SORCS3: variants seen among roughly 807,000 people sequenced by gnomAD.
SORCS3 encodes the protein sortilin related VPS10 domain containing receptor 3.
A neutral mutation model predicts 146.3 loss-of-function variants in SORCS3; 57 were observed. The observed-to-expected ratio is 0.39, with a 90% CI of 0.31 to 0.49. SORCS3 has a LOEUF of 0.49. Among genes scored for constraint, SORCS3 ranks in the 20% least tolerant of loss-of-function variants. The pLI, the probability that SORCS3 is intolerant of heterozygous loss-of-function variation, is 0.92. For synonymous variants in SORCS3, 653 were observed against 618.5 expected, an observed-to-expected ratio of 1.06 and a Z score of -0.83; for missense variants, 1,341 against 1,575.5, an observed-to-expected ratio of 0.85 and a Z score of 2.52.
At chr10:104,824,746 C>A (rs576815450) in intron 1 of SORCS3, among the ~76,000 whole-genome samples, 4 of 152,200 alleles carry the variant, frequency 2.6e-5, no homozygotes, top group African/African-American at 9.6e-5. Context: ...TGGCTGCTTC[C>A]AGTCTGGAGA....
At chr10:104,890,411 G>A (rs188571853) in intron 2 of SORCS3, among the ~76,000 whole-genome samples, 39 of 151,588 alleles carry the variant, frequency 2.6e-4, no homozygotes, top group African/African-American at 8.0e-4. Context: ...TCTATGTTTC[G>A]TTCACTTTCT....
Position 105,045,777 on chromosome 10 carries a change from G to A in SORCS3, c.1028+2649G>A, listed in dbSNP as rs187212826. The stretch of plus-strand genomic sequence containing the variant: ...GTCAATTTCATAAGGTTATTGAAAG[G>A]AGCAGATGTATCAAGTGGACACTTG... On this transcript the variant is annotated intron_variant, in intron 5 of 26. Transcript: ENST00000369701. 2.3e-3 allele frequency among the ~76,000 whole-genome samples: 355 copies of A among 152,224 alleles called. 1 individual carries two copies. Among genetic ancestry groups the A allele is most frequent in the Non-Finnish European group, 2.8e-3 (187 of 67,998 alleles).
At chr10:105,019,688 G>A (rs2055187902) in intron 4 of SORCS3, among the ~76,000 whole-genome samples, 1 of 152,012 alleles carries the variant, frequency 6.6e-6, no homozygotes, top group South Asian at 2.1e-4. Flanking sequence ...ATTTTGATAG[G>A]CAATTATTCT....
At chr10:104,884,646 G>A (rs2018663660) in intron 2 of SORCS3, among the ~76,000 whole-genome samples, 1 of 152,182 alleles carries the variant, frequency 6.6e-6, no homozygotes, top group South Asian at 2.1e-4. Context: ...AGGTTCCATT[G>A]GGTATAGGAA....
At chr10:104,897,018 A>G (rs1229001944) in intron 2 of SORCS3, among the ~76,000 whole-genome samples, 1 of 152,194 alleles carries the variant, frequency 6.6e-6, no homozygotes. Flanking sequence ...GTGCTGGACT[A>G]TAGCATGCTG....
At chr10:105,173,965 C>T (rs1248901357) in intron 13 of SORCS3, among the ~76,000 whole-genome samples, 1 of 152,142 alleles carries the variant, frequency 6.6e-6, no homozygotes, top group African/African-American at 2.4e-5. Flanking sequence ...ATCAAATCAC[C>T]TTATTTTAGT....
At chr10:105,252,560 T>C (rs2056906940) in intron 22 of SORCS3, among the ~76,000 whole-genome samples, 1 of 152,164 alleles carries the variant, frequency 6.6e-6, no homozygotes, top group Non-Finnish European at 1.5e-5. Context: ...AAAATGTATA[T>C]AAGAGCAGGG....
rs573375169 is a variant in SORCS3, at chr10:105,168,123, G to GTCAGAGTAGAATTGAAACAGAGGTGGT, written c.1901+800_1901+801insTTCAGAGTAGAATTGAAACAGAGGTGG. Among the ~76,000 whole-genome samples, 184 of 152,218 alleles carry GTCAGAGTAGAATTGAAACAGAGGTGGT rather than the reference G, an allele frequency of 1.2e-3. 1 individual carries two copies. Among genetic ancestry groups the GTCAGAGTAGAATTGAAACAGAGGTGGT allele is most frequent in the Admixed American group, 8.5e-3 (130 of 15,266 alleles). On this transcript the variant is annotated intron_variant, in intron 13 of 26. Coordinates refer to ENST00000369701, the MANE Select transcript of SORCS3 (RefSeq NM_014978.3). Reference sequence around the variant, plus strand: ...ATAAAGGAGGTTTTTCATGATTTTTGTCAGAGTAGAATTGAAACAGAGGTG... The same window carrying GTCAGAGTAGAATTGAAACAGAGGTGGT: ...ATAAAGGAGGTTTTTCATGATTTTTGTCAGAGTAGAATTGAAACAGAGGTGGTTCAGAGTAGAATTGAAACAGAGGTG...
intron 1 of SORCS3, among the ~76,000 whole-genome samples, chr10:104,704,096 T>C (rs1289625415): frequency 6.6e-6 from 1 of 151,892 alleles, no homozygotes; most frequent in East Asian, 1.9e-4. Flanking sequence ...TATTTAAAAC[T>C]CTGAGGCCTT....
At chr10:105,178,380 T>C (rs909246831) in intron 14 of SORCS3, among the ~76,000 whole-genome samples, 1 of 152,178 alleles carries the variant, frequency 6.6e-6, no homozygotes, top group Admixed American at 6.5e-5. Flanking sequence ...AGGGTCCTAA[T>C]TGAACAGTCA....
At chr10:104,855,562 C>T (rs2018321419) in intron 2 of SORCS3, among the ~76,000 whole-genome samples, 1 of 152,130 alleles carries the variant, frequency 6.6e-6, no homozygotes, top group African/African-American at 2.4e-5. Flanking sequence ...TTAAGTATTT[C>T]ACTTTCTTTG....
At chr10:105,038,169 G>T (rs887935024) in intron 4 of SORCS3, among the ~76,000 whole-genome samples, 3 of 152,210 alleles carry the variant, frequency 2.0e-5, no homozygotes, top group African/African-American at 7.2e-5. Flanking sequence ...GGACATCTTT[G>T]CTGGGAGAGG....
chr10:104,694,751 C>T (rs2016153803), intron 1 of SORCS3, among the ~76,000 whole-genome samples: 4 of 152,156 alleles, frequency 2.6e-5, no homozygotes, highest in Admixed American at 2.0e-4. Flanking sequence ...CCTTCAGATA[C>T]TCCCACACTA....
At chr10:105,065,378 A>G (rs1324157168) in intron 5 of SORCS3, among the ~76,000 whole-genome samples, 1 of 150,696 alleles carries the variant, frequency 6.6e-6, no homozygotes, top group Admixed American at 6.6e-5. Flanking sequence ...TAGCAATTTG[A>G]CATTCTTTAA....
At chr10:104,803,121 A>G (rs2017642661) in intron 1 of SORCS3, among the ~76,000 whole-genome samples, 1 of 151,556 alleles carries the variant, frequency 6.6e-6, no homozygotes, top group Non-Finnish European at 1.5e-5. Flanking sequence ...CTTTTAATGA[A>G]GTGACTCAGA....
chr10:105,116,216 G>C (rs2055892552), intron 7 of SORCS3, among the ~76,000 whole-genome samples: 1 of 152,204 alleles, frequency 6.6e-6, no homozygotes, highest in South Asian at 2.1e-4. Flanking sequence ...CATCCTTCCA[G>C]CTATGTTTGC....
At chr10:104,674,091 A>G (rs1228772469) in intron 1 of SORCS3, among the ~76,000 whole-genome samples, 1 of 152,246 alleles carries the variant, frequency 6.6e-6, no homozygotes, top group Non-Finnish European at 1.5e-5. Context: ...AACAATTTAT[A>G]GCACCGCAGA....
chr10:105,188,788 G>GT (rs1337395444), intron 14 of SORCS3, among the ~76,000 whole-genome samples: 4 of 152,184 alleles, frequency 2.6e-5, no homozygotes, highest in Non-Finnish European at 5.9e-5. Context: ...TTTTAGAACT[G>GT]TTTTCCAGGT....
At chr10:105,204,232 A>G (rs555583649) in intron 16 of SORCS3, among the ~76,000 whole-genome samples, 13 of 152,262 alleles carry the variant, frequency 8.5e-5, no homozygotes, top group African/African-American at 2.9e-4. Flanking sequence ...GATCAAGGTT[A>G]CATCCCTGGG....
Sources: gnomAD v4.1 joint callset for allele counts (sites outside exome capture counted in the v4.1 genomes callset) on GRCh38, gnomAD v4.1.1 for gene constraint, MANE v1.5 for transcripts, NCBI Gene and HGNC (gene_info 2026-07-23, HGNC 2026-07-21) for gene names.